The following CACNA1H variants were observed in gnomAD, a reference collection of about 807,000 sequenced individuals.
The protein encoded by CACNA1H is calcium voltage-gated channel subunit alpha1 H, also known as voltage-dependent T-type calcium channel subunit alpha-1H.
CACNA1H carries 149 observed loss-of-function variants against 192.5 expected under a neutral mutation model. The observed-to-expected ratio is 0.77, with a 90% CI of 0.68 to 0.89. CACNA1H has a LOEUF of 0.89. Ranked by LOEUF, CACNA1H falls within the 40% of genes least tolerant of loss-of-function variation. The probability of loss-of-function intolerance (pLI) is 0.00; values close to 1 mark genes in which losing one functional copy is unlikely to be tolerated. For missense variants in CACNA1H, 4,257 were observed against 3,423.5 expected (o/e 1.24, Z -6.08); for synonymous variants, 2,202 against 1,475.2 (o/e 1.49, Z -11.29).
chr16:1,192,911 GGA>G (rs1482953421), intron 2 of CACNA1H, among the ~76,000 whole-genome samples: 5 of 151,958 alleles, frequency 3.3e-5, no homozygotes, highest in Non-Finnish European at 5.9e-5. Flanking sequence ...AGGAGAGTGT[GGA>G]GAGAGGAGAC....
rs201009269 is a variant in CACNA1H, at chr16:1,201,958, G to A, written c.1508G>A (p.Arg503His). 222 of 1,545,504 alleles carry A rather than the reference G, an allele frequency of 1.4e-4. 1 individual carries two copies. The highest frequency in any genetic ancestry group is 1.4e-3 in the African/African-American group (99 of 73,044). Residue 503 changes from arginine (R) to histidine (H), a missense_variant, in exon 9 of 35, where the codon CGC becomes CAC. By Grantham distance (29) the Arg-to-His change is conservative. Transcript: ENST00000348261. ...SAVQGQGPGHRQRRAGRHTAS... is the reference protein window; with the variant it reads ...SAVQGQGPGHHQRRAGRHTAS... ...GTGCAAGGCCAGGGTCCCGGGCACC[G>A]CCAGCGCCGGGCAGGCAGGCACACA...
Position 1,212,027 on chromosome 16 carries a change from T to G in CACNA1H, c.4648T>G (p.Phe1550Val), listed in dbSNP as rs761303030. The change falls in exon 25 of 35, where the codon TTC (phenylalanine) becomes GTC (valine). Residue 1550 changes from phenylalanine to valine, a missense_variant. Transcript: ENST00000348261. ...LIVSFFVLNMFVGVVVENFHK... is the reference protein window; with the variant it reads ...LIVSFFVLNMVVGVVVENFHK... Reference sequence around the variant, plus strand: ...CGTCAGCTTCTTCGTGCTCAACATGTTCGTGGGCGTCGTGGTCGAGAACTT... The same window carrying G: ...CGTCAGCTTCTTCGTGCTCAACATGGTCGTGGGCGTCGTGGTCGAGAACTT... 1 of 1,613,472 alleles carries G rather than the reference T, an allele frequency of 6.2e-7. No homozygotes were observed. The highest frequency in any genetic ancestry group is 8.5e-7 in the Non-Finnish European group (1 of 1,179,684).
At chr16:1,169,457 G>A (rs1169038419) in intron 2 of CACNA1H, among the ~76,000 whole-genome samples, 3 of 152,176 alleles carry the variant, frequency 2.0e-5, no homozygotes, top group Admixed American at 6.5e-5. Context: ...GCATGCCCGC[G>A]GCCCCCGCGA....
chr16:1,158,901 C>G (rs576879952), intron 2 of CACNA1H, among the ~76,000 whole-genome samples: 5 of 150,284 alleles, frequency 3.3e-5, no homozygotes, highest in African/African-American at 1.0e-4. Context: ...AGCCCGCACC[C>G]CTGGCCCCGC....
chr16:1,170,437 GGA>G (rs1359273034), intron 2 of CACNA1H, among the ~76,000 whole-genome samples: 4 of 152,140 alleles, frequency 2.6e-5, no homozygotes, highest in Non-Finnish European at 5.9e-5. Context: ...AAAGAGACTG[GGA>G]GAGAGACAGA....
rs777641943 is a variant in CACNA1H at position 1,211,987 on chromosome 16, C to T, written c.4608C>T (p.Ile1536=). The part of the protein sequence containing the change: ...NHNPWMLLYF[I]SFLLIVSFFV... ...ACCCCTGGATGCTGCTGTACTTCAT[C>T]TCCTTCCTGCTCATCGTCAGCTTCT... The change falls in exon 25 of 35, where the codon ATC becomes ATT. Residue 1536 remains isoleucine (I), a synonymous_variant. Coordinates refer to ENST00000348261, the MANE Select transcript of CACNA1H (RefSeq NM_021098.3). The T allele has an allele frequency of 4.5e-5, 72 of 1,613,444 alleles. No homozygotes were observed. In the African/African-American group the frequency reaches 4.5e-4, roughly 10 times the overall value.
intron 31 of CACNA1H, 90 bp from the exon 32 acceptor site, chr16:1,217,829 G>C: frequency 6.9e-7 from 1 of 1,452,910 alleles, no homozygotes; most frequent in African/African-American, 1.4e-5. Flanking sequence ...CTGCCTCTGG[G>C]CTCCCCAAGG....
chr16:1,207,733 G>A, intron 14 of CACNA1H, 37 bp from the exon 15 acceptor site: 1 of 1,546,728 alleles, frequency 6.5e-7, no homozygotes, highest in Non-Finnish European at 8.8e-7. Context: ...CCACTCACGG[G>A]GCCCCTCATG....
intron 5 of CACNA1H, among the ~76,000 whole-genome samples, chr16:1,197,517 T>C (rs1967126608): frequency 6.6e-6 from 1 of 152,220 alleles, no homozygotes; most frequent in South Asian, 2.1e-4. Context: ...TAGGGAACTC[T>C]TCCAGACTGG....
At chr16:1,185,142 A>G (rs979063452) in intron 2 of CACNA1H, among the ~76,000 whole-genome samples, 1 of 152,178 alleles carries the variant, frequency 6.6e-6, no homozygotes, top group African/African-American at 2.4e-5. Flanking sequence ...TCTTCCCAGC[A>G]TCATGTTCCC....
In CACNA1H at chr16:1,209,401, G is replaced by T. The variant is rs764672199; in HGVS notation, c.3733G>T (p.Asp1245Tyr). The change falls in exon 17 of 35, where the codon GAC becomes TAC. Residue 1245 changes from aspartate to tyrosine, a missense_variant. Transcript: ENST00000348261. ...HREDAAELDD[D>Y]SEDSCCLRLH... ...TGAGGATGCAGCCGAGCTTGACGAC[G>T]ACTCGGAGGACGTGAGTGCGTGGCC... The T allele has an allele frequency of 1.3e-6, 2 of 1,597,584 alleles. No homozygotes were observed. The highest frequency in any genetic ancestry group is 2.7e-5 in the African/African-American group (2 of 74,976).
chr16:1,169,246 C>T (rs941767085), intron 2 of CACNA1H, among the ~76,000 whole-genome samples: 21 of 152,140 alleles, frequency 1.4e-4, no homozygotes, highest in Non-Finnish European at 2.1e-4. Flanking sequence ...CTTCCTTTGC[C>T]GCTATGTTCA....
rs1201246054 is a variant in CACNA1H at position 1,220,878 on chromosome 16, G to A, written c.6946G>A (p.Asp2316Asn). 1 of 1,612,510 alleles carries A rather than the reference G, an allele frequency of 6.2e-7. No individual in the cohort carries two copies. The highest frequency in any genetic ancestry group is 8.5e-7 in the Non-Finnish European group (1 of 1,179,756). The change falls in exon 35 of 35, where the codon GAC (aspartate) becomes AAC (asparagine). Residue 2316 changes from aspartate (D) to asparagine (N), a missense_variant. Asp to Asn is a conservative substitution (Grantham distance 23). Transcript: ENST00000348261. ...ATCAGAGCCTCCCATGCCCGTCGGT[G>A]ACCCCCCAGAGAAGAGGCGGGGGCT... ...PESEPPMPVG[D>N]PPEKRRGLYL...
chr16:1,220,323 G>T lies in CACNA1H; in HGVS notation c.6391G>T (p.Asp2131Tyr). The T allele has an allele frequency of 1.9e-6, 3 of 1,558,034 alleles. No individual in the cohort carries two copies. The South Asian group carries it at 3.5e-5, about 18-fold the overall frequency. The part of the protein sequence containing the change: ...EASPVAGGER[D>Y]LRRLYSVDAQ... ...CTCTCCGGTGGCCGGCGGCGAGCGG[G>T]ACCTGCGCAGGCTCTACAGCGTGGA... The change falls in exon 35 of 35, where the codon GAC (aspartate) becomes TAC (tyrosine). Residue 2131 changes from aspartate to tyrosine, a missense_variant. Transcript: ENST00000348261.
Position 1,218,028 on chromosome 16 carries a change from C to A in CACNA1H, c.5433C>A (p.Asn1811Lys). The change falls in exon 32 of 35, where the codon AAC becomes AAA. Residue 1811 changes from asparagine (N) to lysine (K), a missense_variant. Physicochemically the swap from Asn to Lys is moderately conservative, Grantham distance 94. Transcript: ENST00000348261. ...LFRVSTGDNW[N>K]GIMKDTLREC... ...GCGTGTCCACGGGGGACAACTGGAA[C>A]GGGATCATGAAGGTACCCGCCGCGG... is the stretch of plus-strand genomic sequence containing the variant. 6.3e-7 allele frequency: 1 copy of A among 1,599,600 alleles called. No individual in the cohort carries two copies. Among genetic ancestry groups the A allele is most frequent in the Non-Finnish European group, 8.5e-7 (1 of 1,173,140 alleles).
At chr16:1,191,093 T>G (rs28495878) in intron 2 of CACNA1H, among the ~76,000 whole-genome samples, 3 of 51,554 alleles carry the variant, frequency 5.8e-5, no homozygotes. Flanking sequence ...TCTCTCTGAC[T>G]CAGCAGGCTG....
At chr16:1,210,197 G>C (rs974109529) in intron 18 of CACNA1H, 62 bp downstream of exon 18, 5 of 1,388,058 alleles carry the variant, frequency 3.6e-6, no homozygotes, top group Non-Finnish European at 5.0e-6. Context: ...CCCGCCCCCA[G>C]GTCCCTCCTG....
rs1966883397 is a variant in CACNA1H, at chr16:1,195,678, C to T, written c.545+113C>T. 7.2e-6 allele frequency: 9 copies of T among 1,246,102 alleles called. No homozygotes were observed. In the East Asian group the frequency reaches 2.0e-4, roughly 28 times the overall value. 77.2% of individuals were successfully genotyped at this position (1,246,102 alleles called of 1,614,324 possible). ...ATGGGAGGTGTGTTCTAGAGGGATC[C>T]AGGTAGAGCCAGGGACCCTGTCTGG... On this transcript the variant is annotated intron_variant, in intron 4 of 34. Transcript: ENST00000348261.
At position 1,195,474 on chromosome 16, in the gene CACNA1H, GTCA is replaced by G. The variant is rs775597863; in HGVS notation, c.458_460del (p.Ile153del). On this transcript the variant is annotated inframe_deletion, in exon 4 of 35. Coordinates refer to ENST00000348261, the MANE Select transcript of CACNA1H (RefSeq NM_021098.3). ...TTTCGCCTTTTTTGCGGTGGAGATGGTCATCAAGATGGTGGCCTTGGGGCTGTT... is the reference window on the plus strand; with the variant it reads ...TTTCGCCTTTTTTGCGGTGGAGATGGTCAAGATGGTGGCCTTGGGGCTGTT... 3 of 1,580,692 alleles carry G rather than the reference GTCA, an allele frequency of 1.9e-6. No individual in the cohort carries two copies. Among genetic ancestry groups the G allele is most frequent in the Non-Finnish European group, 2.6e-6 (3 of 1,163,184 alleles).
Sources: allele counts gnomAD v4.1 joint callset (sites outside exome capture counted in the v4.1 genomes callset), GRCh38; gene constraint gnomAD v4.1.1; transcripts MANE v1.5; gene names NCBI Gene and HGNC (gene_info 2026-07-23, HGNC 2026-07-21).